CNBD1: variants seen among roughly 807,000 people sequenced by gnomAD.
CNBD1 encodes the protein cyclic nucleotide binding domain containing 1, also known as cyclic nucleotide-binding domain-containing protein 1.
In CNBD1, 71 loss-of-function variants were observed where a neutral mutation model predicts 54.4. The observed-to-expected ratio is 1.30, with a 90% CI of 1.08 to 1.59. The LOEUF (loss-of-function observed/expected upper bound fraction) is 1.59, where lower values mean the gene tolerates loss of function less well. Ranked by LOEUF, CNBD1 falls within the 40% of genes most tolerant of loss-of-function variation. The pLI, the probability that CNBD1 is intolerant of heterozygous loss-of-function variation, is 0.00. For missense variants in CNBD1, 659 were observed against 518.0 expected (o/e 1.27, Z -2.64); for synonymous variants, 182 against 170.7 (o/e 1.07, Z -0.51).
chr8:87,117,757 G>A (rs1292449448), intron 4 of CNBD1, among the ~76,000 whole-genome samples: 1 of 152,096 alleles, frequency 6.6e-6, no homozygotes, highest in African/African-American at 2.4e-5. Context: ...CTGGTGAATT[G>A]GAGACAAAAG....
In CNBD1 at chr8:87,166,906, A is replaced by C. The variant is rs1162042006; in HGVS notation, c.432-39087A>C. On this transcript the variant is annotated intron_variant, in intron 4 of 10. Transcript: ENST00000518476. This position sits in a 1 kb window ranked among gnomAD's most constrained non-coding sequence, Gnocchi z 4.3. The stretch of plus-strand genomic sequence containing the variant: ...TATTTAATTTTTTTATTACAAAGGG[A>C]ATTATATCCTATGCTCATTCTGTCA... Among the ~76,000 whole-genome samples, 1 of 148,154 alleles carries C rather than the reference A, an allele frequency of 6.7e-6. No homozygotes were observed. The highest frequency in any genetic ancestry group is 1.5e-5 in the Non-Finnish European group (1 of 67,914).
At chr8:87,352,360 G>C (rs1810317403) in intron 9 of CNBD1, among the ~76,000 whole-genome samples, 1 of 151,514 alleles carries the variant, frequency 6.6e-6, no homozygotes, top group Admixed American at 6.6e-5. Context: ...CACACCTGTA[G>C]TCCCAGGTAC....
intron 8 of CNBD1, among the ~76,000 whole-genome samples, chr8:87,328,090 A>G (rs911860726): frequency 1.3e-5 from 2 of 151,980 alleles, no homozygotes; most frequent in Admixed American, 6.6e-5. Context: ...TCTAGGTTTT[A>G]AGACCCACAT....
At chr8:87,315,656 G>T (rs971853799) in intron 8 of CNBD1, among the ~76,000 whole-genome samples, 3 of 152,036 alleles carry the variant, frequency 2.0e-5, no homozygotes, top group African/African-American at 7.2e-5. Flanking sequence ...TTCCCATTAA[G>T]CTCAACCTTC....
intron 4 of CNBD1, among the ~76,000 whole-genome samples, chr8:87,060,390 T>C (rs1439080956): frequency 2.0e-5 from 3 of 152,346 alleles, no homozygotes; most frequent in South Asian, 2.1e-4. Flanking sequence ...AATACAAGTA[T>C]TGGTGCATGG....
chr8:87,210,812 TA>T (rs1274790287), intron 5 of CNBD1, among the ~76,000 whole-genome samples: 3 of 152,138 alleles, frequency 2.0e-5, no homozygotes, highest in African/African-American at 7.2e-5. Flanking sequence ...GAACCTCTAC[TA>T]GGGTTATGCA....
chr8:87,282,175 C>T (rs575776242), intron 6 of CNBD1, among the ~76,000 whole-genome samples: 1 of 151,556 alleles, frequency 6.6e-6, no homozygotes, highest in Admixed American at 6.6e-5. Context: ...GAAACCTATA[C>T]AATATTTTTC....
intron 8 of CNBD1, among the ~76,000 whole-genome samples, chr8:87,348,365 T>C (rs1810216340): frequency 6.6e-6 from 1 of 152,204 alleles, no homozygotes; most frequent in Non-Finnish European, 1.5e-5. Context: ...GTATGGACTG[T>C]TACAGAGATG....
chr8:87,136,898 A>C (rs186031726), intron 4 of CNBD1, among the ~76,000 whole-genome samples: 44 of 2,320 alleles, frequency 0.019, 4 homozygotes, highest in South Asian at 0.14. Context: ...TATTTATATT[A>C]TATATAAATT....
intron 2 of CNBD1, among the ~76,000 whole-genome samples, chr8:87,422,010 T>G (rs2130993572): frequency 6.7e-6 from 1 of 149,814 alleles, no homozygotes; most frequent in South Asian, 2.1e-4. Context: ...TTGATTTGCA[T>G]TTCTCTGATG....
At chr8:86,876,352 GT>G (rs1808520661) in intron 1 of CNBD1, among the ~76,000 whole-genome samples, 1 of 151,574 alleles carries the variant, frequency 6.6e-6, no homozygotes. Flanking sequence ...TTTAGTTTCA[GT>G]TTTTTTGACC....
At chr8:87,256,016 T>TATATATATATACATA (rs1491444638) in intron 6 of CNBD1, among the ~76,000 whole-genome samples, 1 of 12,144 alleles carries the variant, frequency 8.2e-5, no homozygotes, top group Non-Finnish European at 1.4e-4. Context: ...TATATATATA[T>TATATATATATACATA]TTTTTTTTTT....
At chr8:87,361,995 A>T (rs1810533221) in intron 10 of CNBD1, among the ~76,000 whole-genome samples, 1 of 152,092 alleles carries the variant, frequency 6.6e-6, no homozygotes, top group African/African-American at 2.4e-5. Context: ...TAATTCCACT[A>T]TCCTGGCTTC....
In CNBD1 at chr8:86,987,193, G is replaced by A. The variant is rs116026922; in HGVS notation, c.431+47439G>A. Among the ~76,000 whole-genome samples the A allele has an allele frequency of 2.2e-3, 342 of 152,248 alleles. 1 individual carries two copies. Among genetic ancestry groups the A allele is most frequent in the African/African-American group, 7.9e-3 (328 of 41,548 alleles). On this transcript the variant is annotated intron_variant, in intron 4 of 10. Coordinates refer to ENST00000518476, the MANE Select transcript of CNBD1 (RefSeq NM_173538.3). ...GTCTCATCTCTGATTTCTTTCATCA[G>A]TGTTTAATTCTCCTTGTAGAGATCT...
intron 10 of CNBD1, among the ~76,000 whole-genome samples, chr8:87,361,107 G>A (rs550240430): frequency 6.6e-6 from 1 of 151,774 alleles, no homozygotes; most frequent in Non-Finnish European, 1.5e-5. Context: ...CCCCTTTTGC[G>A]TTTTTGCATT....
At chr8:87,133,960 T>G (rs182530708) in intron 4 of CNBD1, among the ~76,000 whole-genome samples, 1 of 152,292 alleles carries the variant, frequency 6.6e-6, no homozygotes, top group Non-Finnish European at 1.5e-5. Context: ...AATTGCTGTC[T>G]AATAAAACAC....
chr8:87,301,880 A>T (rs62528134), intron 8 of CNBD1, among the ~76,000 whole-genome samples: 6,625 of 152,282 alleles, frequency 0.044, 189 homozygotes, highest in Non-Finnish European at 0.06. Context: ...ATAAACTAGA[A>T]AATCTAGAAG....
chr8:87,157,138 C>T (rs1277224940), intron 4 of CNBD1, among the ~76,000 whole-genome samples: 1 of 151,974 alleles, frequency 6.6e-6, no homozygotes, highest in Non-Finnish European at 1.5e-5. Flanking sequence ...CAATCCTCTC[C>T]AAAAAACAAG....
At chr8:86,876,157 CTTGT>C (rs1218253638) in intron 1 of CNBD1, among the ~76,000 whole-genome samples, 1 of 143,436 alleles carries the variant, frequency 7.0e-6, no homozygotes, top group East Asian at 2.1e-4. Flanking sequence ...GTGATAATGC[CTTGT>C]TTGATACCTG....
Sources: gnomAD v4.1 joint callset for allele counts (sites outside exome capture counted in the v4.1 genomes callset) on GRCh38, gnomAD v4.1.1 for gene constraint, Gnocchi (gnomAD v3.1) non-coding constraint, MANE v1.5 for transcripts, NCBI Gene and HGNC (gene_info 2026-07-23, HGNC 2026-07-21) for gene names.